The following SLC22A23 variants were observed in gnomAD, a reference collection of about 807,000 sequenced individuals.
SLC22A23 encodes the protein ion transporter protein.
Under a neutral mutation model 61.0 loss-of-function variants are expected in SLC22A23, and 26 were observed. That is an observed-to-expected ratio of 0.43 (90% CI 0.31 to 0.59). The LOEUF is 0.59. Among genes scored for constraint, SLC22A23 ranks in the 20% least tolerant of loss-of-function variants. The pLI, the probability that SLC22A23 is intolerant of heterozygous loss-of-function variation, is 0.11. For missense variants in SLC22A23, 796 were observed against 934.7 expected, an observed-to-expected ratio of 0.85 and a Z score of 1.94; for synonymous variants, 430 against 413.9, an observed-to-expected ratio of 1.04 and a Z score of -0.47.
At chr6:3,291,312 G>A in intron 5 of SLC22A23, 1 of 152,218 alleles carries the variant, frequency 6.6e-6, no homozygotes, top group Non-Finnish European at 1.5e-5. Context: ...AGCGGTAGGA[G>A]GGTCACAAAG....
intron 3 of SLC22A23, among the ~76,000 whole-genome samples, chr6:3,402,068 C>G (rs1768428324): frequency 6.6e-6 from 1 of 152,174 alleles, no homozygotes; most frequent in Non-Finnish European, 1.5e-5. Flanking sequence ...TCCAGGTATC[C>G]AGGCAAGTCC....
Position 3,329,592 on chromosome 6 carries a change from T to C in SLC22A23, c.914-5590A>G, listed in dbSNP as rs1243609755. 6.6e-6 allele frequency among the ~76,000 whole-genome samples: 1 copy of C among 152,148 alleles called. No individual in the cohort carries two copies. The highest frequency in any genetic ancestry group is 2.4e-5 in the African/African-American group (1 of 41,422). ...GGCCTAGAGGTGGGGGTTAGATTCC[T>C]CCCCGGCCTCTGCTGGGCGGTGTGA... On this transcript the variant is annotated intron_variant, in intron 3 of 9. Coordinates refer to ENST00000406686, the MANE Select transcript of SLC22A23 (RefSeq NM_015482.2). This position sits in a 1 kb window ranked among gnomAD's most constrained non-coding sequence, Gnocchi z 4.8.
chr6:3,350,866 C>T (rs1175980061), intron 3 of SLC22A23, among the ~76,000 whole-genome samples: 2 of 151,890 alleles, frequency 1.3e-5, no homozygotes, highest in Non-Finnish European at 2.9e-5. Context: ...GTCTCACTGC[C>T]CTTCTCACTC....
At chr6:3,399,915 G>C (rs1176610149) in intron 3 of SLC22A23, among the ~76,000 whole-genome samples, 1 of 152,190 alleles carries the variant, frequency 6.6e-6, no homozygotes, top group Non-Finnish European at 1.5e-5. Flanking sequence ...TTTTGCTCTT[G>C]TTGCCCAGGC....
chr6:3,385,990 C>A (rs1554148836), intron 3 of SLC22A23, among the ~76,000 whole-genome samples: 1 of 152,184 alleles, frequency 6.6e-6, no homozygotes, highest in Non-Finnish European at 1.5e-5. Flanking sequence ...AACAAACACC[C>A]AAGCCCCGCA....
chr6:3,335,325 T>C (rs374971002), intron 3 of SLC22A23, among the ~76,000 whole-genome samples: 21 of 152,134 alleles, frequency 1.4e-4, no homozygotes, highest in African/African-American at 4.8e-4. Context: ...TCTGGTGCCA[T>C]CTTGTTCTTG....
chr6:3,454,282 A>C lies in SLC22A23; in HGVS notation c.654+1624T>G, dbSNP rs1772288617. On this transcript the variant is annotated intron_variant, in intron 1 of 9. Coordinates refer to ENST00000406686, the MANE Select transcript of SLC22A23 (RefSeq NM_015482.2). This position sits in a 1 kb window ranked among gnomAD's most constrained non-coding sequence, Gnocchi z 4.3. ...ATGCCTCCATAGTCTGCTTTTAAGAACTATTTTTGTTCTCTCCTCCCACCG... is the reference window on the plus strand; with the variant it reads ...ATGCCTCCATAGTCTGCTTTTAAGACCTATTTTTGTTCTCTCCTCCCACCG... Among the ~76,000 whole-genome samples, 1 of 152,102 alleles carries C rather than the reference A, an allele frequency of 6.6e-6. No homozygotes were observed. Among genetic ancestry groups the C allele is most frequent in the South Asian group, 2.1e-4 (1 of 4,830 alleles).
intron 1 of SLC22A23, among the ~76,000 whole-genome samples, chr6:3,417,359 A>G (rs1769795496): frequency 6.6e-6 from 1 of 152,166 alleles, no homozygotes; most frequent in African/African-American, 2.4e-5. Context: ...GAAGAAACGG[A>G]ATATGGGAAT....
rs1303970761 is a variant in SLC22A23 at position 3,456,266 on chromosome 6, G to A, written c.294C>T (p.Thr98=). 11 of 1,551,266 alleles carry A rather than the reference G, an allele frequency of 7.1e-6. No individual in the cohort carries two copies. In the Admixed American group the frequency reaches 2.2e-4, roughly 30 times the overall value. The stretch of plus-strand genomic sequence containing the variant: ...CCGGGATCCAGGTGAGCAGCACGAG[G>A]GTCTTCTGATAGCCCCCGCCCAGGC... The part of the protein sequence containing the change: ...LGGLGGGYQK[T]LVLLTWIPAL... Residue 98 remains threonine, a synonymous_variant, in exon 1 of 10, where the codon ACC becomes ACT. Coordinates refer to ENST00000406686, the MANE Select transcript of SLC22A23 (RefSeq NM_015482.2). This position sits in a 1 kb window ranked among gnomAD's most constrained non-coding sequence, Gnocchi z 7.1.
intron 1 of SLC22A23, among the ~76,000 whole-genome samples, chr6:3,440,855 G>A (rs561605590): frequency 6.6e-6 from 1 of 152,314 alleles, no homozygotes; most frequent in East Asian, 1.9e-4. Flanking sequence ...TGGACTTCCA[G>A]CCTCCAGAAC....
chr6:3,395,835 A>G (rs1260479533), intron 3 of SLC22A23, among the ~76,000 whole-genome samples: 7 of 152,226 alleles, frequency 4.6e-5, no homozygotes, highest in Admixed American at 1.3e-4. Context: ...GTCAGTGGGT[A>G]ATTCTGTTTC....
intron 1 of SLC22A23, among the ~76,000 whole-genome samples, chr6:3,416,781 C>T (rs575898228): frequency 2.6e-5 from 4 of 152,162 alleles, no homozygotes; most frequent in African/African-American, 4.8e-5. Flanking sequence ...CTGGTCTGGA[C>T]GCGCAACTCC....
chr6:3,449,706 ATAT>A (rs1359080898), intron 1 of SLC22A23, among the ~76,000 whole-genome samples: 1 of 152,216 alleles, frequency 6.6e-6, no homozygotes, highest in South Asian at 2.1e-4. Flanking sequence ...AGAACCACAC[ATAT>A]TATTAGTATA....
intron 5 of SLC22A23, chr6:3,291,188 T>C (rs1402109162): frequency 6.6e-6 from 1 of 152,144 alleles, no homozygotes; most frequent in Non-Finnish European, 1.5e-5. Context: ...GAGGGATCCT[T>C]CTGCTCCCTC....
At position 3,406,567 on chromosome 6, in the gene SLC22A23, C is replaced by G. The variant is rs1168620426; in HGVS notation, c.913+3621G>C. Among the ~76,000 whole-genome samples, 2 of 150,312 alleles carry G rather than the reference C, an allele frequency of 1.3e-5. 1 individual carries two copies. Among genetic ancestry groups the G allele is most frequent in the South Asian group, 4.2e-4 (2 of 4,740 alleles). On this transcript the variant is annotated intron_variant, in intron 3 of 9. Coordinates refer to ENST00000406686, the MANE Select transcript of SLC22A23 (RefSeq NM_015482.2). ...GTGTGTGCGCGCATGTGTGTGTGTG[C>G]GTATGTGTGTCCAGAGGCCACTGAT...
intron 9 of SLC22A23, among the ~76,000 whole-genome samples, chr6:3,280,629 G>A (rs914585007): frequency 6.6e-6 from 1 of 151,010 alleles, no homozygotes; most frequent in Non-Finnish European, 1.5e-5. Context: ...CTGAGTAGCT[G>A]GGACTACAGG....
intron 1 of SLC22A23, among the ~76,000 whole-genome samples, chr6:3,450,374 T>G (rs1772104243): frequency 6.6e-6 from 1 of 152,212 alleles, no homozygotes; most frequent in Admixed American, 6.5e-5. Context: ...TGGAGTGATC[T>G]CGGCTCACCG....
At chr6:3,444,119 C>T (rs771284217) in intron 1 of SLC22A23, among the ~76,000 whole-genome samples, 2 of 152,274 alleles carry the variant, frequency 1.3e-5, no homozygotes, top group Non-Finnish European at 2.9e-5. Context: ...TGGGTGGGCG[C>T]GTGCTGGCGG....
intron 3 of SLC22A23, among the ~76,000 whole-genome samples, chr6:3,352,907 G>A (rs754938709): frequency 3.9e-5 from 6 of 152,168 alleles, no homozygotes; most frequent in Non-Finnish European, 8.8e-5. Flanking sequence ...AGTCGCCCCC[G>A]TGACCTGCAC....
Sources: allele counts gnomAD v4.1 joint callset (sites outside exome capture counted in the v4.1 genomes callset), GRCh38; gene constraint gnomAD v4.1.1; non-coding constraint Gnocchi (gnomAD v3.1); transcripts MANE v1.5; gene names NCBI Gene and HGNC (gene_info 2026-07-23, HGNC 2026-07-21).